The following NCKAP5L variants were observed in gnomAD, a reference collection of about 807,000 sequenced individuals.
The protein encoded by NCKAP5L is NCK associated protein 5 like, also known as nck-associated protein 5-like.
In NCKAP5L, 54 loss-of-function variants were observed where a neutral mutation model predicts 103.2. That is an observed-to-expected ratio of 0.52 (90% CI 0.42 to 0.66). NCKAP5L has a LOEUF of 0.66. NCKAP5L is among the 30% of genes least tolerant of loss of function. NCKAP5L has a pLI of 0.00. For synonymous variants in NCKAP5L, 762 were observed against 748.6 expected (o/e 1.02, Z -0.29); for missense variants, 1,733 against 1,750.6 (o/e 0.99, Z 0.18).
intron 3 of NCKAP5L, among the ~76,000 whole-genome samples, chr12:49,803,672 G>T (rs1565591205): frequency 6.6e-6 from 1 of 152,190 alleles, no homozygotes; most frequent in Non-Finnish European, 1.5e-5. Context: ...GTGTTTGGGG[G>T]TTAGGACACT....
At chr12:49,824,701 G>A (rs1194426802) in intron 1 of NCKAP5L, among the ~76,000 whole-genome samples, 3 of 152,246 alleles carry the variant, frequency 2.0e-5, no homozygotes, top group African/African-American at 4.8e-5. Context: ...GGCCTGCTGC[G>A]TGCCTGGTAC....
rs79413685 is a variant in NCKAP5L, at chr12:49,827,015, C to T, written c.-99+1307G>A. On this transcript the variant is annotated intron_variant, in intron 1 of 12. Coordinates refer to ENST00000335999, the MANE Select transcript of NCKAP5L (RefSeq NM_001037806.4). ...TCTTTGGGATAGGAAACCCACTAATCCCAGGTTGTTTTTAGGAAGATGGGG... is the reference window on the plus strand; with the variant it reads ...TCTTTGGGATAGGAAACCCACTAATTCCAGGTTGTTTTTAGGAAGATGGGG... 5.2e-3 allele frequency among the ~76,000 whole-genome samples: 789 copies of T among 152,252 alleles called. 7 individuals are homozygous for T. The highest frequency in any genetic ancestry group is 0.018 in the African/African-American group (754 of 41,552).
At position 49,804,028 on chromosome 12, in the gene NCKAP5L, T is replaced by C; in HGVS notation, c.17A>G (p.Asp6Gly). The C allele has an allele frequency of 6.2e-7, 1 of 1,611,074 alleles. No individual in the cohort carries two copies. Among genetic ancestry groups the C allele is most frequent in the South Asian group, 1.1e-5 (1 of 91,072 alleles). Residue 6 changes from aspartate (D) to glycine (G), a missense_variant, in exon 3 of 13, where the codon GAC (aspartate) becomes GGC (glycine). Coordinates refer to ENST00000335999, the MANE Select transcript of NCKAP5L (RefSeq NM_001037806.4). MSEAM[D>G]QPAGGPGNPR... is the part of the protein sequence containing the mutation. ...GTTTCCAGGACCCCCAGCTGGCTGG[T>C]CCATGGCCTCTGACATCTGGCCCTG...
chr12:49,804,861 G>A (rs1413380807), intron 2 of NCKAP5L: 1 of 152,248 alleles, frequency 6.6e-6, no homozygotes, highest in Non-Finnish European at 1.5e-5. Context: ...TTGAGCCTGG[G>A]GCCTGGCGCC....
At chr12:49,799,477 T>C (rs558158349) in intron 6 of NCKAP5L, among the ~76,000 whole-genome samples, 1 of 152,036 alleles carries the variant, frequency 6.6e-6, no homozygotes, top group Admixed American at 6.5e-5. Flanking sequence ...GCCTGGCTAA[T>C]TAAAAAAAAA....
chr12:49,793,497 C>T, intron 9 of NCKAP5L, 64 bp from the exon 10 acceptor site: 1 of 1,523,858 alleles, frequency 6.6e-7, no homozygotes, highest in South Asian at 1.1e-5. Flanking sequence ...CCCCATGCCT[C>T]TAGAGGGTGG....
At chr12:49,793,019 G>A (rs764253458) in intron 10 of NCKAP5L, 33 bp from the exon 11 acceptor site, 1 of 1,458,690 alleles carries the variant, frequency 6.9e-7, no homozygotes, top group Non-Finnish European at 9.1e-7. Flanking sequence ...CGTTAAGAGT[G>A]TGAGGCTGGG....
rs376473771 is a variant in NCKAP5L, at chr12:49,796,680, C to A, written c.1180G>T (p.Gly394Cys). 1 of 1,586,852 alleles carries A rather than the reference C, an allele frequency of 6.3e-7. No homozygotes were observed. Among genetic ancestry groups the A allele is most frequent in the Non-Finnish European group, 8.6e-7 (1 of 1,167,542 alleles). ...GGCCCCTGGCCCTCTGAGGTAGCAC[C>A]GAAGCCTGGCCTGTGGGCCTCTGGG... ...GTPEAHRPGF[G>C]ATSEGQGPLP... is the part of the protein sequence containing the mutation. Residue 394 changes from glycine to cysteine, a missense_variant, in exon 8 of 13, where the codon GGT becomes TGT. Physicochemically the swap from Gly to Cys is radical, Grantham distance 159. Coordinates refer to ENST00000335999, the MANE Select transcript of NCKAP5L (RefSeq NM_001037806.4).
rs1362253948 is a variant in NCKAP5L, at chr12:49,801,869, G to A, written c.330C>T (p.Leu110=). ...CTACCTGAGGGAGCGAGCCTGTCGT[G>A]AGCTGGAGTTTCTGCTGAAACAGGG... ...LSALFQQKLQ[L]TTGSLPQIPL... is the part of the protein sequence containing the mutation. The change falls in exon 6 of 13, where the codon CTC becomes CTT. Residue 110 remains leucine, a synonymous_variant. Coordinates refer to ENST00000335999, the MANE Select transcript of NCKAP5L (RefSeq NM_001037806.4). 2.2e-5 allele frequency: 36 copies of A among 1,613,884 alleles called. No homozygotes were observed. Among genetic ancestry groups the A allele is most frequent in the Non-Finnish European group, 2.8e-5 (33 of 1,179,892 alleles).
intron 5 of NCKAP5L, chr12:49,802,555 C>T: frequency 5.5e-6 from 1 of 183,470 alleles, no homozygotes; most frequent in Non-Finnish European, 1.1e-5. Context: ...CCCTCTGCCT[C>T]TTAGAAACCA....
rs564610178 is a variant in NCKAP5L at position 49,791,912 on chromosome 12, G to A, written c.3932C>T (p.Pro1311Leu). 17 of 1,611,878 alleles carry A rather than the reference G, an allele frequency of 1.1e-5. No homozygotes were observed. In the South Asian group the frequency reaches 1.5e-4, roughly 15 times the overall value. ...GAGAGACTCCGAGGTCTCCAGCCCT[G>A]GGGGGCCCCCGCTGGCCACTCTGCC... ...EEGRVASGGP[P>L]GLETSESLSD... The change falls in exon 13 of 13, where the codon CCA becomes CTA. Residue 1311 changes from proline (P) to leucine (L), a missense_variant. Pro to Leu is a moderately conservative substitution (Grantham distance 98). Transcript: ENST00000335999.
At chr12:49,823,294 G>T (rs1049793562) in intron 1 of NCKAP5L, among the ~76,000 whole-genome samples, 7 of 152,256 alleles carry the variant, frequency 4.6e-5, no homozygotes, top group African/African-American at 1.7e-4. Context: ...GCCTGGTGCT[G>T]CTGTGGGCAG....
Position 49,795,071 on chromosome 12 carries a change from G to A in NCKAP5L, c.2789C>T (p.Ala930Val), listed in dbSNP as rs747149278. 6 of 1,611,882 alleles carry A rather than the reference G, an allele frequency of 3.7e-6. No individual in the cohort carries two copies. Among genetic ancestry groups the A allele is most frequent in the African/African-American group, 1.3e-5 (1 of 75,032 alleles). ...GGTGGCCTCTGTGCGGCGGTTCAGCGCTGGCAGCTTGCTCTTCTTAAGGCC... is the reference window on the plus strand; with the variant it reads ...GGTGGCCTCTGTGCGGCGGTTCAGCACTGGCAGCTTGCTCTTCTTAAGGCC... ...WFGLKKSKLP[A>V]LNRRTEATKN... The change falls in exon 8 of 13, where the codon GCG becomes GTG. Residue 930 changes from alanine to valine, a missense_variant. Coordinates refer to ENST00000335999, the MANE Select transcript of NCKAP5L (RefSeq NM_001037806.4).
chr12:49,792,867 G>A lies in NCKAP5L; in HGVS notation c.3460C>T (p.Pro1154Ser), dbSNP rs1244179239. ...LPKTKPPRLD[P>S]PPGVPPARPP... The stretch of plus-strand genomic sequence containing the variant: ...CGAGCTGGGGGTACCCCAGGTGGGG[G>A]ATCCAGCCGCGGTGGCTTGGTCTTA... Residue 1154 changes from proline (P) to serine (S), a missense_variant, in exon 11 of 13, where the codon CCC becomes TCC. Physicochemically the swap from Pro to Ser is moderately conservative, Grantham distance 74 (BLOSUM62 -1). Transcript: ENST00000335999. The surrounding 1 kb of genome is among the most constrained non-coding windows in gnomAD (Gnocchi z 4.5). 6.5e-7 allele frequency: 1 copy of A among 1,545,960 alleles called. No individual in the cohort carries two copies.
Position 49,797,446 on chromosome 12 carries a change from A to G in NCKAP5L, c.466-52T>C, listed in dbSNP as rs768325983. The G allele has an allele frequency of 2.9e-6, 4 of 1,386,682 alleles. No homozygotes were observed. Among genetic ancestry groups the G allele is most frequent in the Non-Finnish European group, 3.9e-6 (4 of 1,016,456 alleles). 85.9% of individuals were successfully genotyped at this position (1,386,682 alleles called of 1,614,324 possible). A position where few individuals can be genotyped will look rare whatever the true frequency, so the allele number is the denominator to read the frequency against. On this transcript the variant is annotated intron_variant, in intron 7 of 12. Coordinates refer to ENST00000335999, the MANE Select transcript of NCKAP5L (RefSeq NM_001037806.4). The surrounding 1 kb of genome is among the most constrained non-coding windows in gnomAD (Gnocchi z 4.5). ...AGGAGACCACACACAGCTGGGATCCAGTTCCAGGCCCAGGCCCTGGGCTGG... is the reference window on the plus strand; with the variant it reads ...AGGAGACCACACACAGCTGGGATCCGGTTCCAGGCCCAGGCCCTGGGCTGG...
At chr12:49,821,511 G>A (rs1592763237) in intron 1 of NCKAP5L, among the ~76,000 whole-genome samples, 1 of 152,310 alleles carries the variant, frequency 6.6e-6, no homozygotes, top group Admixed American at 6.5e-5. Context: ...AGCATTCTAG[G>A]CCACATGGTA....
At chr12:49,798,560 A>G (rs1946085435) in intron 6 of NCKAP5L, 97 bp from the exon 7 acceptor site, 1 of 1,007,336 alleles carries the variant, frequency 9.9e-7, no homozygotes, top group Non-Finnish European at 1.5e-6. Context: ...CCGCTCCTTC[A>G]CGGAGGACTC....
chr12:49,803,194 A>G (rs762336933), intron 3 of NCKAP5L, 29 bp from the exon 4 acceptor site: 3 of 1,612,616 alleles, frequency 1.9e-6, no homozygotes, highest in Admixed American at 3.3e-5. Flanking sequence ...AAGAGGGCAA[A>G]AAGGTGGCTT....
Position 49,797,315 on chromosome 12 carries a change from G to A in NCKAP5L, c.545C>T (p.Pro182Leu), listed in dbSNP as rs749561879. ...AATCTGGGCCTTCTTCCGAAGGAACGGGGATAGGGCATCCAGCGCTGGGGG... is the reference window on the plus strand; with the variant it reads ...AATCTGGGCCTTCTTCCGAAGGAACAGGGATAGGGCATCCAGCGCTGGGGG... ...APPPALDALS[P>L]FLRKKAQILE... The change falls in exon 8 of 13, where the codon CCG (proline) becomes CTG (leucine). Residue 182 changes from proline to leucine, a missense_variant. Transcript: ENST00000335999. The surrounding 1 kb of genome is among the most constrained non-coding windows in gnomAD (Gnocchi z 4.5). 27 of 1,613,026 alleles carry A rather than the reference G, an allele frequency of 1.7e-5. No homozygotes were observed. The highest frequency in any genetic ancestry group is 8.8e-5 in the South Asian group (8 of 91,056).
Sources: gnomAD v4.1 joint callset for allele counts (sites outside exome capture counted in the v4.1 genomes callset) on GRCh38, gnomAD v4.1.1 for gene constraint, Gnocchi (gnomAD v3.1) non-coding constraint, MANE v1.5 for transcripts, NCBI Gene and HGNC (gene_info 2026-07-23, HGNC 2026-07-21) for gene names.